TRIM55: variants seen among roughly 807,000 people sequenced by gnomAD.
The protein encoded by TRIM55 is tripartite motif-containing protein 55.
TRIM55 carries 50 observed loss-of-function variants against 60.9 expected under a neutral mutation model. That is an observed-to-expected ratio of 0.82 (90% CI 0.65 to 1.04). TRIM55 has a LOEUF of 1.04. TRIM55 is among the 50% of genes least tolerant of loss of function. The pLI is 0.00. For synonymous variants in TRIM55, 237 were observed against 238.1 expected (o/e 1.00, Z 0.04); for missense variants, 681 against 666.9 (o/e 1.02, Z -0.23).
the TRIM55 span, among the ~76,000 whole-genome samples, chr8:66,114,261 A>G: frequency 2.0e-5 from 3 of 152,142 alleles, no homozygotes; most frequent in Admixed American, 6.5e-5. Flanking sequence ...CGCATCCTCC[A>G]GTTTTCCTTC....
At chr8:66,150,946 G>T (rs1810387606) in intron 7 of TRIM55, among the ~76,000 whole-genome samples, 1 of 152,208 alleles carries the variant, frequency 6.6e-6, no homozygotes, top group African/African-American at 2.4e-5. Context: ...GATTACAGAA[G>T]TGAGCCACCA....
chr8:66,151,907 C>T (rs892440345), intron 7 of TRIM55, among the ~76,000 whole-genome samples: 15 of 151,512 alleles, frequency 9.9e-5, no homozygotes, highest in Non-Finnish European at 2.1e-4. Flanking sequence ...AGAGTCGTGA[C>T]ATTAATTATG....
rs1475487858 is a variant in TRIM55, at chr8:66,155,789, A to G, written c.1524+1455A>G. On this transcript the variant is annotated intron_variant, in intron 9 of 9. Transcript: ENST00000315962. ...ATGTTCCTCTTCTATAGGCCCAGAG[A>G]TTAATTTCTCCCCAAATCTTGAGGC... The G allele has an allele frequency of 4.0e-6, 4 of 1,009,024 alleles. No homozygotes were observed. The East Asian group carries it at 9.7e-5, about 24-fold the overall frequency. 62.5% of individuals were successfully genotyped at this position (1,009,024 alleles called of 1,614,324 possible).
intron 4 of TRIM55, 131 bp downstream of exon 4, chr8:66,137,321 G>T: frequency 1.6e-6 from 1 of 628,080 alleles, no homozygotes; most frequent in Non-Finnish European, 2.8e-6. Flanking sequence ...CCTCCTTCCT[G>T]ATATGTCTCT....
intron 9 of TRIM55, among the ~76,000 whole-genome samples, chr8:66,157,024 G>T (rs1243339072): frequency 1.3e-5 from 2 of 152,224 alleles, no homozygotes; most frequent in Non-Finnish European, 2.9e-5. Flanking sequence ...GGACCTAATT[G>T]TGGATCTGAA....
intron 2 of TRIM55, among the ~76,000 whole-genome samples, chr8:66,131,402 GACA>G: frequency 1.3e-5 from 2 of 152,226 alleles, no homozygotes; most frequent in Non-Finnish European, 1.5e-5. Flanking sequence ...TATCACCAAT[GACA>G]TGTGCATACT....
At chr8:66,160,360 T>TGTGA (rs900622332) in intron 9 of TRIM55, among the ~76,000 whole-genome samples, 4 of 151,348 alleles carry the variant, frequency 2.6e-5, no homozygotes, top group African/African-American at 9.7e-5. Flanking sequence ...TTCCATGGTG[T>TGTGA]GTGTGTGTGT....
intron 9 of TRIM55, among the ~76,000 whole-genome samples, chr8:66,156,369 T>C (rs1401201479): frequency 6.6e-6 from 1 of 152,130 alleles, no homozygotes; most frequent in African/African-American, 2.4e-5. Context: ...AATGTGCACT[T>C]ACCAGCTATC....
At chr8:66,117,966 C>A in the TRIM55 span, among the ~76,000 whole-genome samples, 151,465 of 151,466 alleles carry the variant, frequency 1, 75,732 homozygotes, top group Non-Finnish European at 1. Context: ...GGAGATCGAG[C>A]CCATCCTGGC....
intron 3 of TRIM55, among the ~76,000 whole-genome samples, chr8:66,135,605 GCC>G (rs767298950): frequency 0.019 from 2,826 of 152,192 alleles, 42 homozygotes; most frequent in Non-Finnish European, 0.026. Context: ...CCTCCTCAAT[GCC>G]TTTTATCCCG....
intron 5 of TRIM55, 60 bp downstream of exon 5, chr8:66,149,938 A>G: frequency 7.6e-7 from 1 of 1,319,226 alleles, no homozygotes; most frequent in Non-Finnish European, 1.1e-6. Flanking sequence ...AAAATTAGTT[A>G]TCACATTTTT....
chr8:66,161,059 A>G (rs192720514), intron 9 of TRIM55, among the ~76,000 whole-genome samples: 1 of 151,692 alleles, frequency 6.6e-6, no homozygotes. Flanking sequence ...TTTTTGTTAT[A>G]TTTGCTTTTG....
the TRIM55 span, among the ~76,000 whole-genome samples, chr8:66,119,768 G>A: frequency 6.6e-6 from 1 of 152,166 alleles, no homozygotes; most frequent in East Asian, 1.9e-4. Flanking sequence ...TATATCTCAT[G>A]TTCTAGGGCT....
chr8:66,115,152 G>A, the TRIM55 span: 1 of 153,138 alleles, frequency 6.5e-6, no homozygotes, highest in Non-Finnish European at 1.5e-5. Flanking sequence ...CAGAAATACA[G>A]TATCAACCTT....
chr8:66,171,069 C>A (rs1297655397), intron 9 of TRIM55, among the ~76,000 whole-genome samples: 2 of 152,172 alleles, frequency 1.3e-5, no homozygotes, highest in Non-Finnish European at 2.9e-5. Flanking sequence ...ACAACAAAAT[C>A]ACCTAAGGAT....
intron 9 of TRIM55, among the ~76,000 whole-genome samples, chr8:66,160,929 T>G (rs1167297163): frequency 6.6e-6 from 1 of 152,036 alleles, no homozygotes; most frequent in East Asian, 1.9e-4. Context: ...TAGTCCTTTG[T>G]TGGATGTATA....
At chr8:66,119,010 C>CT in the TRIM55 span, among the ~76,000 whole-genome samples, 1 of 152,180 alleles carries the variant, frequency 6.6e-6, no homozygotes. Context: ...AAGTGTTGAC[C>CT]TTTGTTTTGG....
At chr8:66,154,669 C>T (rs937424068) in intron 9 of TRIM55, among the ~76,000 whole-genome samples, 2 of 152,224 alleles carry the variant, frequency 1.3e-5, no homozygotes, top group South Asian at 2.1e-4. Flanking sequence ...TCCTCCTTAC[C>T]AACGGCCACT....
At chr8:66,139,203 G>A (rs980849351) in intron 4 of TRIM55, among the ~76,000 whole-genome samples, 1 of 152,204 alleles carries the variant, frequency 6.6e-6, no homozygotes, top group Admixed American at 6.5e-5. Context: ...GTACCAAGCT[G>A]AGTCTTGAGT....
Sources: gnomAD v4.1 joint callset for allele counts (sites outside exome capture counted in the v4.1 genomes callset) on GRCh38, gnomAD v4.1.1 for gene constraint, MANE v1.5 for transcripts, NCBI Gene and HGNC (gene_info 2026-07-23, HGNC 2026-07-21) for gene names.